LIN28B: variants seen among roughly 807,000 people sequenced by gnomAD.
LIN28B encodes protein lin-28 homolog B.
A neutral mutation model predicts 21.9 loss-of-function variants in LIN28B; 5 were observed. The observed-to-expected ratio is 0.23, with a 90% CI of 0.12 to 0.48. The LOEUF is 0.48. Among genes scored for constraint, LIN28B ranks in the 20% least tolerant of loss-of-function variants. The probability of loss-of-function intolerance (pLI) is 0.98; values close to 1 mark genes in which losing one functional copy is unlikely to be tolerated. For synonymous variants in LIN28B, 109 were observed against 111.3 expected (o/e 0.98, Z 0.13); for missense variants, 245 against 310.5 (o/e 0.79, Z 1.58).
intron 2 of LIN28B, among the ~76,000 whole-genome samples, chr6:104,977,575 T>C (rs532457433): frequency 5.3e-5 from 8 of 152,108 alleles, no homozygotes; most frequent in African/African-American, 7.2e-5. Context: ...CTTTTTGTTG[T>C]TGTTGTTGTT....
chr6:104,989,871 A>G (rs1562083554), intron 2 of LIN28B, among the ~76,000 whole-genome samples: 1 of 152,094 alleles, frequency 6.6e-6, no homozygotes, highest in Non-Finnish European at 1.5e-5. Context: ...GGATTACTAC[A>G]AGCATGAGCC....
intron 2 of LIN28B, among the ~76,000 whole-genome samples, chr6:104,992,515 T>TG (rs1491330288): frequency 0.21 from 5,784 of 27,978 alleles, 323 homozygotes; most frequent in African/African-American, 0.32. Context: ...TGTGTGTGTG[T>TG]TTTTTTTTTA....
chr6:104,977,495 TTGTAAACTCTA>T (rs371438574), intron 2 of LIN28B, among the ~76,000 whole-genome samples: 119 of 152,358 alleles, frequency 7.8e-4, no homozygotes, highest in African/African-American at 2.7e-3. Context: ...TCCTACTGAA[TTGTAAACTCTA>T]TGTGGAAATT....
At chr6:104,957,911 C>T (rs1024998463) in intron 1 of LIN28B, among the ~76,000 whole-genome samples, 188 bp from the exon 2 acceptor site, 1 of 152,032 alleles carries the variant, frequency 6.6e-6, no homozygotes, top group African/African-American at 2.4e-5. Context: ...TCCCCCTCCC[C>T]CGCTTTCCTT....
chr6:104,961,355 A>G (rs755162245), intron 2 of LIN28B, among the ~76,000 whole-genome samples: 7 of 152,142 alleles, frequency 4.6e-5, no homozygotes, highest in Non-Finnish European at 4.4e-5. Flanking sequence ...TTTGTTTCAA[A>G]TGAAGTAAGG....
intron 3 of LIN28B, among the ~76,000 whole-genome samples, chr6:105,069,449 G>T (rs1452853922): frequency 6.6e-6 from 1 of 151,626 alleles, no homozygotes. Context: ...AATTTGCTGG[G>T]TGCAGTGGCT....
intron 2 of LIN28B, among the ~76,000 whole-genome samples, chr6:104,976,471 T>G (rs1408800130): frequency 2.0e-5 from 3 of 152,170 alleles, no homozygotes; most frequent in African/African-American, 4.8e-5. Flanking sequence ...TATTGAACAT[T>G]AGCTTTACAA....
chr6:104,966,404 T>C (rs1769860049), intron 2 of LIN28B, among the ~76,000 whole-genome samples: 1 of 152,174 alleles, frequency 6.6e-6, no homozygotes, highest in Non-Finnish European at 1.5e-5. Flanking sequence ...GTTTTAGTTT[T>C]TATCTTTTTT....
intron 3 of LIN28B, among the ~76,000 whole-genome samples, chr6:105,063,130 G>A (rs181380296): frequency 6.6e-6 from 1 of 152,114 alleles, no homozygotes; most frequent in Non-Finnish European, 1.5e-5. Flanking sequence ...TTGATTCAGT[G>A]AATATTTATT....
rs1772489412 is a variant in LIN28B, at chr6:105,079,075, C to T, written c.*292C>T. On this transcript the variant is annotated 3_prime_UTR_variant, in exon 4 of 4. Transcript: ENST00000345080. ...GAGGATTTTTATATAGGAATGTAGA[C>T]ACATATATAAAGAGGCTTTGTCTTT... 1 of 284,480 alleles carries T rather than the reference C, an allele frequency of 3.5e-6. No homozygotes were observed. The highest frequency in any genetic ancestry group is 4.7e-5 in the Admixed American group (1 of 21,290). The allele number at this position is 284,480 out of a possible 1,614,324, so 17.6% of individuals were successfully genotyped here. A position where few individuals can be genotyped will look rare whatever the true frequency, so the allele number is the denominator to read the frequency against.
intron 2 of LIN28B, among the ~76,000 whole-genome samples, chr6:104,942,057 C>T (rs114758206): frequency 5.5e-4 from 84 of 152,270 alleles, no homozygotes; most frequent in African/African-American, 1.9e-3. Context: ...GGTTTGTTTT[C>T]ATCCGTAGGT....
intron 3 of LIN28B, among the ~76,000 whole-genome samples, chr6:105,037,898 G>A (rs1158720183): frequency 2.6e-5 from 4 of 151,760 alleles, no homozygotes; most frequent in Non-Finnish European, 4.4e-5. Context: ...AATTTATTTT[G>A]TATATATATG....
At chr6:104,961,071 A>G (rs998217573) in intron 2 of LIN28B, among the ~76,000 whole-genome samples, 1 of 152,154 alleles carries the variant, frequency 6.6e-6, no homozygotes, top group South Asian at 2.1e-4. Context: ...GACAGTCTTC[A>G]TTTGATTTTC....
chr6:104,979,291 C>T (rs1582875901), intron 2 of LIN28B, among the ~76,000 whole-genome samples: 1 of 151,820 alleles, frequency 6.6e-6, no homozygotes, highest in South Asian at 2.1e-4. Flanking sequence ...CTCACTGCAA[C>T]CTCCGCCTCC....
At chr6:104,964,759 TGTTGCATTTTGATACATCAG>T (rs1562073984) in intron 2 of LIN28B, among the ~76,000 whole-genome samples, 1 of 152,242 alleles carries the variant, frequency 6.6e-6, no homozygotes, top group Non-Finnish European at 1.5e-5. Flanking sequence ...GAAAGTACCA[TGTTGCATTTTGATACATCAG>T]GATACATCTA....
At chr6:105,042,808 C>T (rs1771663389) in intron 3 of LIN28B, among the ~76,000 whole-genome samples, 2 of 152,178 alleles carry the variant, frequency 1.3e-5, no homozygotes, top group Admixed American at 1.3e-4. Context: ...CTATGAAATA[C>T]TGGAGTTTTT....
intron 2 of LIN28B, among the ~76,000 whole-genome samples, chr6:104,970,906 A>C (rs184058625): frequency 1.3e-3 from 204 of 152,256 alleles, no homozygotes; most frequent in African/African-American, 4.7e-3. Context: ...TGTGATATTT[A>C]TATACTTTTT....
At chr6:104,942,396 G>A (rs1336569889) in intron 2 of LIN28B, among the ~76,000 whole-genome samples, 1 of 152,004 alleles carries the variant, frequency 6.6e-6, no homozygotes, top group African/African-American at 2.4e-5. Flanking sequence ...ACATTTTTAC[G>A]TCCAACAATA....
At chr6:104,999,203 G>A (rs1244836623) in intron 2 of LIN28B, among the ~76,000 whole-genome samples, 1 of 152,136 alleles carries the variant, frequency 6.6e-6, no homozygotes, top group Non-Finnish European at 1.5e-5. Context: ...TCAGTGGCAT[G>A]CTCATAGCTC....
Sources: gnomAD v4.1 joint callset for allele counts (sites outside exome capture counted in the v4.1 genomes callset) on GRCh38, gnomAD v4.1.1 for gene constraint, MANE v1.5 for transcripts, NCBI Gene and HGNC (gene_info 2026-07-23, HGNC 2026-07-21) for gene names.